LRRTM4: variants seen among roughly 807,000 people sequenced by gnomAD.
LRRTM4 encodes the protein leucine-rich repeat transmembrane neuronal protein 4.
In LRRTM4, 25 loss-of-function variants were observed where a neutral mutation model predicts 47.6. The observed-to-expected ratio is 0.53, with a 90% CI of 0.38 to 0.73. The LOEUF (loss-of-function observed/expected upper bound fraction) is 0.73, where lower values mean the gene tolerates loss of function less well. Ranked by LOEUF, LRRTM4 falls within the 30% of genes least tolerant of loss-of-function variation. The probability of loss-of-function intolerance (pLI) is 0.00; values close to 1 mark genes in which losing one functional copy is unlikely to be tolerated. For synonymous variants in LRRTM4, 311 were observed against 269.5 expected (o/e 1.15, Z -1.51); for missense variants, 638 against 713.4 (o/e 0.89, Z 1.20).
chr2:77,096,006 T>TA (rs1323926058), intron 3 of LRRTM4, among the ~76,000 whole-genome samples: 4 of 151,946 alleles, frequency 2.6e-5, no homozygotes, highest in African/African-American at 4.8e-5. Flanking sequence ...CAAAATTGCT[T>TA]AAAAAAAGAG....
At chr2:76,976,075 T>A (rs1403161935) in intron 3 of LRRTM4, among the ~76,000 whole-genome samples, 4 of 151,790 alleles carry the variant, frequency 2.6e-5, no homozygotes, top group Non-Finnish European at 5.9e-5. Context: ...TATTGAAAAC[T>A]GGTTTGTGTG....
chr2:77,216,424 T>C (rs1044160965), intron 3 of LRRTM4, among the ~76,000 whole-genome samples: 3 of 152,210 alleles, frequency 2.0e-5, no homozygotes, highest in Admixed American at 2.0e-4. Flanking sequence ...CCCAGCACTT[T>C]GGGAGGCCGA....
At chr2:77,206,261 C>T (rs1674123873) in intron 3 of LRRTM4, among the ~76,000 whole-genome samples, 1 of 151,364 alleles carries the variant, frequency 6.6e-6, no homozygotes, top group Admixed American at 6.6e-5. Context: ...TCCCTGTAAC[C>T]TCTGCGTCCT....
At chr2:77,330,067 T>A (rs1211961870) in intron 3 of LRRTM4, among the ~76,000 whole-genome samples, 5 of 152,104 alleles carry the variant, frequency 3.3e-5, no homozygotes, top group Admixed American at 1.3e-4. Context: ...CTGCTCCTCT[T>A]CTCTGTGAAA....
rs533563667 is a variant in LRRTM4, at chr2:77,395,063, C to T, written c.1551+123255G>A. 2.0e-3 allele frequency among the ~76,000 whole-genome samples: 310 copies of T among 152,054 alleles called. 1 individual carries two copies. Among genetic ancestry groups the T allele is most frequent in the Non-Finnish European group, 3.7e-3 (249 of 67,934 alleles). Reference sequence around the variant, plus strand: ...TTAAGTGTAAGGGTGTGTGAATTAACCCTTGCCTGGCATGGCCTTTGGTCT... The same window carrying T: ...TTAAGTGTAAGGGTGTGTGAATTAATCCTTGCCTGGCATGGCCTTTGGTCT... On this transcript the variant is annotated intron_variant, in intron 3 of 3. Coordinates refer to ENST00000409884, the MANE Select transcript of LRRTM4 (RefSeq NM_001134745.3).
intron 3 of LRRTM4, among the ~76,000 whole-genome samples, chr2:76,774,811 G>T (rs1673891661): frequency 1.3e-5 from 2 of 152,156 alleles, no homozygotes; most frequent in African/African-American, 4.8e-5. Context: ...TTTTGCCACT[G>T]TTTGCGTAAG....
intron 3 of LRRTM4, among the ~76,000 whole-genome samples, chr2:77,203,999 T>A (rs541725718): frequency 3.3e-5 from 5 of 152,190 alleles, no homozygotes; most frequent in African/African-American, 1.2e-4. Context: ...TTAGTGTCTG[T>A]TGCCATTATC....
chr2:77,306,897 A>ATTTTTTTTTTTTTTTTTT lies in LRRTM4; in HGVS notation c.1551+211403_1551+211420dup. ...AAATAGCTATATACTGCTTTTCCATATTTTTTTTTTTTTTTTTTTTGAGAT... is the reference window on the plus strand; with the variant it reads ...AAATAGCTATATACTGCTTTTCCATATTTTTTTTTTTTTTTTTTTTTTTTTTTTTTTTTTTTTTGAGAT... On this transcript the variant is annotated intron_variant, in intron 3 of 3. Coordinates refer to ENST00000409884, the MANE Select transcript of LRRTM4 (RefSeq NM_001134745.3). 1.8e-3 allele frequency among the ~76,000 whole-genome samples: 207 copies of ATTTTTTTTTTTTTTTTTT among 112,396 alleles called. 36 individuals carry two copies. The highest frequency in any genetic ancestry group is 8.3e-3 in the African/African-American group (193 of 23,120). The allele number at this position is 112,396 out of a possible 152,430, so 73.7% of individuals were successfully genotyped here. A position where few individuals can be genotyped will look rare whatever the true frequency, so the allele number is the denominator to read the frequency against.
chr2:77,229,551 G>A (rs1674907467), intron 3 of LRRTM4, among the ~76,000 whole-genome samples: 1 of 151,882 alleles, frequency 6.6e-6, no homozygotes, highest in African/African-American at 2.4e-5. Context: ...AGAATTACCC[G>A]GCATCCTTAT....
At chr2:77,231,937 T>A (rs1463378973) in intron 3 of LRRTM4, among the ~76,000 whole-genome samples, 1 of 152,218 alleles carries the variant, frequency 6.6e-6, no homozygotes, top group Non-Finnish European at 1.5e-5. Context: ...TCATTTTAAA[T>A]ACTTAATTCA....
At chr2:77,062,741 C>G (rs1252197375) in intron 3 of LRRTM4, among the ~76,000 whole-genome samples, 1 of 151,948 alleles carries the variant, frequency 6.6e-6, no homozygotes, top group Non-Finnish European at 1.5e-5. Flanking sequence ...ATTGTTGCCT[C>G]CAGGAATAAG....
chr2:77,193,211 A>G (rs1468754317), intron 3 of LRRTM4, among the ~76,000 whole-genome samples: 1 of 152,180 alleles, frequency 6.6e-6, no homozygotes, highest in Non-Finnish European at 1.5e-5. Context: ...AATAGGCTAG[A>G]CCATATAGTC....
At chr2:76,827,141 A>G (rs1352641369) in intron 3 of LRRTM4, among the ~76,000 whole-genome samples, 7 of 151,854 alleles carry the variant, frequency 4.6e-5, no homozygotes, top group African/African-American at 1.7e-4. Flanking sequence ...GTTAGACTGC[A>G]GAGGAGATAA....
At chr2:77,005,769 A>G (rs1677620635) in intron 3 of LRRTM4, among the ~76,000 whole-genome samples, 1 of 152,180 alleles carries the variant, frequency 6.6e-6, no homozygotes, top group Admixed American at 6.5e-5. Flanking sequence ...GCCATGTGGA[A>G]CTGTGAGTCA....
At chr2:76,986,685 C>T (rs1470418559) in intron 3 of LRRTM4, among the ~76,000 whole-genome samples, 1 of 151,874 alleles carries the variant, frequency 6.6e-6, no homozygotes, top group African/African-American at 2.4e-5. Context: ...AAAAGAAAAT[C>T]AACAGGGAGA....
At chr2:77,322,943 A>G (rs1299396099) in intron 3 of LRRTM4, among the ~76,000 whole-genome samples, 3 of 151,832 alleles carry the variant, frequency 2.0e-5, no homozygotes, top group African/African-American at 7.3e-5. Context: ...TATTAGTAAT[A>G]AAAACACTAC....
In LRRTM4 at chr2:77,518,828, A is replaced by T; in HGVS notation, c.1041T>A (p.Gly347=). The change falls in exon 3 of 4, where the codon GGT becomes GGA. Residue 347 remains glycine (G), a synonymous_variant. Coordinates refer to ENST00000409884, the MANE Select transcript of LRRTM4 (RefSeq NM_001134745.3). ...TTTCCACTGCATCACTAACCTTTTC[A>T]CCCTGGATGTGCTTAGGTCCCGCAC... ...MICAGPKHIQ[G]EKVSDAVETY... 1 of 1,610,162 alleles carries T rather than the reference A, an allele frequency of 6.2e-7. No homozygotes were observed. The highest frequency in any genetic ancestry group is 8.5e-7 in the Non-Finnish European group (1 of 1,178,014).
At chr2:76,749,436 A>G (rs1239382648) in intron 3 of LRRTM4, among the ~76,000 whole-genome samples, 1 of 152,136 alleles carries the variant, frequency 6.6e-6, no homozygotes, top group Non-Finnish European at 1.5e-5. Flanking sequence ...CCTATACACA[A>G]TTGAAATCTT....
chr2:76,901,188 A>ATGCT (rs1673617995), intron 3 of LRRTM4, among the ~76,000 whole-genome samples: 1 of 151,982 alleles, frequency 6.6e-6, no homozygotes, highest in South Asian at 2.1e-4. Context: ...ATGTTTGCTA[A>ATGCT]TGCTCTCCCT....
Sources: allele counts gnomAD v4.1 joint callset (sites outside exome capture counted in the v4.1 genomes callset), GRCh38; gene constraint gnomAD v4.1.1; transcripts MANE v1.5; gene names NCBI Gene and HGNC (gene_info 2026-07-23, HGNC 2026-07-21).